Variants in FAM168B observed in about 807,000 individuals in gnomAD.
The protein encoded by FAM168B is myelin-associated neurite-outgrowth inhibitor.
A neutral mutation model predicts 21.8 loss-of-function variants in FAM168B; 19 were observed. The observed-to-expected ratio is 0.87, with a 90% CI of 0.61 to 1.28. FAM168B has a LOEUF of 1.28. Among genes scored for constraint, FAM168B ranks in the 50% most tolerant of loss-of-function variants. FAM168B has a pLI of 0.00. For synonymous variants in FAM168B, 126 were observed against 104.8 expected (o/e 1.20, Z -1.24); for missense variants, 233 against 263.1 (o/e 0.89, Z 0.79).
At chr2:131,090,422 A>C (rs896827019) in intron 1 of FAM168B, among the ~76,000 whole-genome samples, 3 of 152,154 alleles carry the variant, frequency 2.0e-5, no homozygotes, top group African/African-American at 7.2e-5. Context: ...ACAGAGCACT[A>C]AGTATGAAAT....
intron 3 of FAM168B, among the ~76,000 whole-genome samples, chr2:131,065,569 C>T (rs186780870): frequency 4.6e-3 from 701 of 152,122 alleles, no homozygotes; most frequent in Middle Eastern, 0.02. Context: ...TGGGCGGGAT[C>T]GCCTGAGGTC....
Position 131,048,082 on chromosome 2 carries a change from G to A in FAM168B, c.*4383C>T. On this transcript the variant is annotated 3_prime_UTR_variant, in exon 7 of 7. Coordinates refer to ENST00000389915, the MANE Select transcript of FAM168B (RefSeq NM_001009993.4). ...ATGGATACGTAAGTTCAATGCAGAG[G>A]TGAGGGATGCCTTTAACACTGGAAG... The A allele has an allele frequency of 1.2e-6, 1 of 823,498 alleles. No homozygotes were observed. The highest frequency in any genetic ancestry group is 1.6e-6 in the Non-Finnish European group (1 of 609,556). 51.0% of individuals were successfully genotyped at this position (823,498 alleles called of 1,614,324 possible). A position where few individuals can be genotyped will look rare whatever the true frequency, so the allele number is the denominator to read the frequency against.
chr2:131,091,454 T>C (rs1012306071), intron 1 of FAM168B, among the ~76,000 whole-genome samples: 5 of 151,854 alleles, frequency 3.3e-5, no homozygotes, highest in African/African-American at 1.2e-4. Context: ...AAGACCAGAC[T>C]GGGCAACATG....
intron 3 of FAM168B, among the ~76,000 whole-genome samples, chr2:131,057,229 G>A (rs1334228670): frequency 6.6e-6 from 1 of 152,142 alleles, no homozygotes; most frequent in Admixed American, 6.5e-5. Flanking sequence ...CGAAAGACTT[G>A]TAAAAAGTGT....
At chr2:131,066,187 G>A (rs1692548691) in intron 3 of FAM168B, among the ~76,000 whole-genome samples, 1 of 143,602 alleles carries the variant, frequency 7.0e-6, no homozygotes, top group Non-Finnish European at 1.5e-5. Context: ...TTGAGACTGA[G>A]TGGAGTCTCG....
rs1381531059 is a variant in FAM168B at position 131,049,983 on chromosome 2, G to A, written c.*2482C>T. 1.4e-5 allele frequency: 14 copies of A among 985,324 alleles called. No homozygotes were observed. The East Asian group carries it at 3.4e-4, about 24-fold the overall frequency. 61.0% of individuals were successfully genotyped at this position (985,324 alleles called of 1,614,324 possible). On this transcript the variant is annotated 3_prime_UTR_variant, in exon 7 of 7. Transcript: ENST00000389915. ...CTACCTTTCGTATCTGACAGCTGAC[G>A]TCCTAAAAATTTCAAAGTCAGAAAG... is the stretch of plus-strand genomic sequence containing the variant.
chr2:131,058,652 G>T (rs1250969549), intron 3 of FAM168B, among the ~76,000 whole-genome samples: 1 of 152,188 alleles, frequency 6.6e-6, no homozygotes, highest in African/African-American at 2.4e-5. Context: ...ACTGGTGCTT[G>T]GCCAAAGGAA....
Position 131,058,773 on chromosome 2 carries a change from AAAAAGGAAAGTG to A in FAM168B, c.155-3090_155-3079del, listed in dbSNP as rs1346661705. 3.3e-5 allele frequency among the ~76,000 whole-genome samples: 5 copies of A among 152,344 alleles called. No individual in the cohort carries two copies. The East Asian group carries it at 9.6e-4, about 29-fold the overall frequency. On this transcript the variant is annotated intron_variant, in intron 3 of 6. Coordinates refer to ENST00000389915, the MANE Select transcript of FAM168B (RefSeq NM_001009993.4). ...CATCTCCTCGTCTTTAAGAAGGCTA[AAAAAGGAAAGTG>A]AAAAGGAAAGCTTCACAGGTGTACA...
At position 131,054,095 on chromosome 2, in the gene FAM168B, G is replaced by A. The variant is rs187184152; in HGVS notation, c.476-1080C>T. On this transcript the variant is annotated intron_variant, in intron 5 of 6. Coordinates refer to ENST00000389915, the MANE Select transcript of FAM168B (RefSeq NM_001009993.4). ...ATGGTGGCAGGCGCCTGTAGTCCCA[G>A]CTACTGGGAAGGATGAGGTGGGAAA... Among the ~76,000 whole-genome samples, 768 of 152,004 alleles carry A rather than the reference G, an allele frequency of 5.1e-3. 33 individuals are homozygous for A. The highest frequency in any genetic ancestry group is 0.044 in the Admixed American group (669 of 15,272).
At chr2:131,056,929 A>G (rs1692056836) in intron 3 of FAM168B, among the ~76,000 whole-genome samples, 1 of 152,174 alleles carries the variant, frequency 6.6e-6, no homozygotes. Flanking sequence ...GCATGCGAGA[A>G]CCTTTCCAAA....
At chr2:131,080,153 A>T (rs758289335) in intron 2 of FAM168B, among the ~76,000 whole-genome samples, 1 of 152,128 alleles carries the variant, frequency 6.6e-6, no homozygotes, top group Non-Finnish European at 1.5e-5. Flanking sequence ...GTTCAGATAA[A>T]GGTCAATGAC....
In FAM168B at chr2:131,050,699, C is replaced by CA. The variant is rs1691611244; in HGVS notation, c.*1765dup. On this transcript the variant is annotated 3_prime_UTR_variant, in exon 7 of 7. Coordinates refer to ENST00000389915, the MANE Select transcript of FAM168B (RefSeq NM_001009993.4). ...TACTTACTATAAAAAATAAGGTTACCAAAGGCTCAGTGGTCAGGTGTCCCC... is the reference window on the plus strand; with the variant it reads ...TACTTACTATAAAAAATAAGGTTACCAAAAGGCTCAGTGGTCAGGTGTCCCC... 1 of 985,114 alleles carries CA rather than the reference C, an allele frequency of 1.0e-6. No individual in the cohort carries two copies. The allele number at this position is 985,114 out of a possible 1,614,324, so 61.0% of individuals were successfully genotyped here.
At position 131,072,622 on chromosome 2, in the gene FAM168B, C is replaced by T. The variant is rs538501535; in HGVS notation, c.71-684G>A. On this transcript the variant is annotated intron_variant, in intron 2 of 6. Transcript: ENST00000389915. The stretch of plus-strand genomic sequence containing the variant: ...TACAGGCATCTACCACCACGCCCAG[C>T]TAATTTTTGTATTTTTAGTAGAGAC... Among the ~76,000 whole-genome samples the T allele has an allele frequency of 3.9e-5, 6 of 151,908 alleles. No individual in the cohort carries two copies. The South Asian group carries it at 1.2e-3, about 32-fold the overall frequency.
rs367659089 is a variant in FAM168B, at chr2:131,055,321, G to A, written c.426C>T (p.Asn142=). The change falls in exon 5 of 7, where the codon AAC becomes AAT. Residue 142 remains asparagine, a synonymous_variant. Coordinates refer to ENST00000389915, the MANE Select transcript of FAM168B (RefSeq NM_001009993.4). ...CAGCCACCATGCCCATGGTGACCCC[G>A]TTGCCTCTAGGAGGGGGGATGGGAG... ...YPAPIPPPRG[N]GVTMGMVAGT... The A allele has an allele frequency of 1.2e-5, 19 of 1,584,100 alleles. No individual in the cohort carries two copies. In the East Asian group the frequency reaches 1.4e-4, roughly 11 times the overall value.
rs575434745 is a variant in FAM168B, at chr2:131,051,712, C to T, written c.*753G>A. ...TTGCTGACACATAAACCACCCCCCT[C>T]GCCCCAAATTTCACTGGCCACACTA... On this transcript the variant is annotated 3_prime_UTR_variant, in exon 7 of 7. Coordinates refer to ENST00000389915, the MANE Select transcript of FAM168B (RefSeq NM_001009993.4). The T allele has an allele frequency of 4.1e-6, 4 of 985,354 alleles. No homozygotes were observed. Among genetic ancestry groups the T allele is most frequent in the Admixed American group, 6.2e-5 (1 of 16,238 alleles). 61.0% of individuals were successfully genotyped at this position (985,354 alleles called of 1,614,324 possible).
intron 2 of FAM168B, among the ~76,000 whole-genome samples, chr2:131,074,461 A>G (rs1429861998): frequency 1.3e-5 from 2 of 152,168 alleles, no homozygotes; most frequent in Non-Finnish European, 2.9e-5. Flanking sequence ...CACACAGCCA[A>G]CAAGATGACT....
At chr2:131,083,530 G>C (rs1373049341) in intron 1 of FAM168B, among the ~76,000 whole-genome samples, 2 of 152,174 alleles carry the variant, frequency 1.3e-5, no homozygotes, top group Non-Finnish European at 2.9e-5. Context: ...AACAGAGCGA[G>C]ACTTTGTCGC....
At chr2:131,088,358 A>T (rs1180945188) in intron 1 of FAM168B, among the ~76,000 whole-genome samples, 1 of 152,068 alleles carries the variant, frequency 6.6e-6, no homozygotes, top group African/African-American at 2.4e-5. Flanking sequence ...ACAAACCCCA[A>T]AAGTGGGACA....
intron 1 of FAM168B, among the ~76,000 whole-genome samples, chr2:131,086,567 A>G (rs1693709481): frequency 6.6e-6 from 1 of 152,186 alleles, no homozygotes; most frequent in Non-Finnish European, 1.5e-5. Flanking sequence ...ACTGCAGTCC[A>G]GCCTAGACAA....
Sources: allele counts gnomAD v4.1 joint callset (sites outside exome capture counted in the v4.1 genomes callset), GRCh38; gene constraint gnomAD v4.1.1; transcripts MANE v1.5; gene names NCBI Gene and HGNC (gene_info 2026-07-23, HGNC 2026-07-21).